SDHA: variants seen among roughly 807,000 people sequenced by gnomAD.
SDHA encodes succinate dehydrogenase complex flavoprotein subunit A.
A neutral mutation model predicts 78.4 loss-of-function variants in SDHA; 48 were observed. That is an observed-to-expected ratio of 0.61 (90% CI 0.49 to 0.78). The LOEUF is 0.78. Among genes scored for constraint, SDHA ranks in the 30% least tolerant of loss-of-function variants. The pLI, the probability that SDHA is intolerant of heterozygous loss-of-function variation, is 0.00. For missense variants in SDHA, 680 were observed against 892.7 expected, an observed-to-expected ratio of 0.76 and a Z score of 3.04; for synonymous variants, 326 against 353.9, an observed-to-expected ratio of 0.92 and a Z score of 0.88.
chr5:227,658 C>A (rs1328341560), intron 5 of SDHA: 1 of 203,006 alleles, frequency 4.9e-6, no homozygotes, highest in Non-Finnish European at 1.0e-5. Flanking sequence ...GCGGGCAGCG[C>A]TGTCCGGCGC....
At chr5:242,498 A>C (rs1252476498) in intron 11 of SDHA, among the ~76,000 whole-genome samples, 2 of 152,222 alleles carry the variant, frequency 1.3e-5, no homozygotes, top group Non-Finnish European at 2.9e-5. Context: ...GCTTGCTCTC[A>C]ATAAATATGT....
chr5:243,621 A>G (rs750370676), intron 11 of SDHA, among the ~76,000 whole-genome samples: 1 of 152,208 alleles, frequency 6.6e-6, no homozygotes, highest in African/African-American at 2.4e-5. Context: ...AACAGGGACC[A>G]AAAGAACCGT....
At position 225,299 on chromosome 5, in the gene SDHA, C is replaced by T. The variant is rs1359854957; in HGVS notation, c.313-120C>T. On this transcript the variant is annotated intron_variant, in intron 3 of 14. Coordinates refer to ENST00000264932, the MANE Select transcript of SDHA (RefSeq NM_004168.4). ...GCTCCTCTGCTGAGGTCAGCCCTCA[C>T]TGGGAGTCACTGTGTGAGTAGTTGG... The T allele has an allele frequency of 3.1e-6, 4 of 1,305,286 alleles. No individual in the cohort carries two copies. In the African/African-American group the frequency reaches 5.8e-5, roughly 19 times the overall value. The allele number at this position is 1,305,286 out of a possible 1,614,324, so 80.9% of individuals were successfully genotyped here.
chr5:251,450 T>C lies in SDHA; in HGVS notation c.1776T>C (p.His592=), dbSNP rs1126538. 2.5e-3 allele frequency: 3,992 copies of C among 1,613,950 alleles called. 73 individuals are homozygous for C. The African/African-American group carries it at 0.045, about 18-fold the overall frequency. ...AEARKESRGA[H]AREDYKVRID... is the part of the protein sequence containing the mutation. ...CACGGAAGGAGTCACGGGGCGCGCA[T>C]GCCAGGGAAGACTACAAGGTGGGCC... Residue 592 remains histidine, a synonymous_variant, in exon 13 of 15, where the codon CAT becomes CAC. Transcript: ENST00000264932.
Position 225,803 on chromosome 5 carries a change from A to G in SDHA, c.457-80A>G, listed in dbSNP as rs568540447. ...CTTTGGGTTTGCAGATTTGTGTTAA[A>G]CTTGTTTAGTGTAGATTAGCTGCGA... On this transcript the variant is annotated intron_variant, in intron 4 of 14. Transcript: ENST00000264932. 64 of 1,565,684 alleles carry G rather than the reference A, an allele frequency of 4.1e-5. No homozygotes were observed. In the African/African-American group the frequency reaches 7.7e-4, roughly 19 times the overall value.
chr5:251,690 G>A (rs371765093), intron 13 of SDHA: 4 of 1,488,894 alleles, frequency 2.7e-6, no homozygotes, highest in Non-Finnish European at 3.6e-6. Context: ...GATGCCAGCA[G>A]TGGCATCTCC....
intron 9 of SDHA, 25 bp downstream of exon 9, chr5:235,364 C>G: frequency 6.2e-7 from 1 of 1,612,614 alleles, no homozygotes; most frequent in Non-Finnish European, 8.5e-7. Context: ...TCCTCCCCCA[C>G]AGCTGGAAAG....
Position 234,814 on chromosome 5 carries a change from G to A in SDHA, c.1065-330G>A, listed in dbSNP as rs1280938605. On this transcript the variant is annotated intron_variant, in intron 8 of 14. Transcript: ENST00000264932. ...GGGGGTCCTGGACCCAACCTGCCAC[G>A]GATACGCAGGGACGACTGTATTTGG... 4 of 366,292 alleles carry A rather than the reference G, an allele frequency of 1.1e-5. No homozygotes were observed. In the Admixed American group the frequency reaches 1.2e-4, roughly 11 times the overall value. The allele number at this position is 366,292 out of a possible 1,614,324, so 22.7% of individuals were successfully genotyped here. A position where few individuals can be genotyped will look rare whatever the true frequency, so the allele number is the denominator to read the frequency against.
intron 11 of SDHA, chr5:249,141 G>C: frequency 2.4e-6 from 1 of 411,896 alleles, no homozygotes; most frequent in Non-Finnish European, 4.7e-6. Flanking sequence ...AGACAGATTA[G>C]CAGCTGGTAA....
chr5:264,715 C>G, the SDHA span, among the ~76,000 whole-genome samples: 1 of 152,186 alleles, frequency 6.6e-6, no homozygotes, highest in Non-Finnish European at 1.5e-5. Context: ...CCTATTACTT[C>G]GTGTGTCATC....
rs1553997185 is a variant in SDHA, at chr5:223,541, G to A, written c.123G>A (p.Lys41=). 1.2e-6 allele frequency: 2 copies of A among 1,613,714 alleles called. No individual in the cohort carries two copies. The highest frequency in any genetic ancestry group is 1.7e-5 in the Admixed American group (1 of 60,018). ...TTCACTTCACTGTTGATGGGAACAAGAGGGCATCTGCTAAAGTTTCAGATT... is the reference window on the plus strand; with the variant it reads ...TTCACTTCACTGTTGATGGGAACAAAAGGGCATCTGCTAAAGTTTCAGATT... ...RGFHFTVDGN[K]RASAKVSDSI... Residue 41 remains lysine (K), a synonymous_variant, in exon 2 of 15, where the codon AAG becomes AAA. Coordinates refer to ENST00000264932, the MANE Select transcript of SDHA (RefSeq NM_004168.4).
chr5:226,087 G>C, intron 5 of SDHA, 40 bp downstream of exon 5: 1 of 1,610,838 alleles, frequency 6.2e-7, no homozygotes, highest in Non-Finnish European at 8.5e-7. Context: ...GACACGTAGT[G>C]CTGGGGCTTA....
At chr5:252,084 C>T (rs1473855330) in intron 13 of SDHA, among the ~76,000 whole-genome samples, 4 of 149,372 alleles carry the variant, frequency 2.7e-5, no homozygotes, top group African/African-American at 9.9e-5. Context: ...ACGAGTAAGC[C>T]ACTGTTTCAA....
At chr5:265,465 AACTC>A in the SDHA span, among the ~76,000 whole-genome samples, 3 of 152,220 alleles carry the variant, frequency 2.0e-5, no homozygotes, top group African/African-American at 7.2e-5. Flanking sequence ...CTAGGGCACT[AACTC>A]CTAACACTGG....
chr5:239,801 G>A (rs1328289837), intron 10 of SDHA, among the ~76,000 whole-genome samples: 5 of 148,502 alleles, frequency 3.4e-5, no homozygotes, highest in Admixed American at 6.7e-5. Context: ...ACAGGGTCTC[G>A]CTCTGTTGCC....
intron 6 of SDHA, among the ~76,000 whole-genome samples, chr5:228,798 C>T (rs1472852024): frequency 1.3e-5 from 2 of 151,888 alleles, no homozygotes; most frequent in Non-Finnish European, 2.9e-5. Flanking sequence ...GTCAGTACAG[C>T]CAAACAAAAA....
intron 8 of SDHA, chr5:234,327 G>A (rs1265795149): frequency 3.9e-5 from 6 of 152,688 alleles, no homozygotes; most frequent in Admixed American, 1.3e-4. Context: ...GCTGAGGCAG[G>A]AGAATGGCGT....
intron 5 of SDHA, chr5:227,864 C>G (rs1328820816): frequency 1.0e-5 from 4 of 387,302 alleles, no homozygotes; most frequent in African/African-American, 6.2e-5. Context: ...GGACCTCACT[C>G]TGGCACCAGA....
chr5:251,054 A>T lies in SDHA; in HGVS notation c.1614A>T (p.Lys538Asn). 1 of 1,612,016 alleles carries T rather than the reference A, an allele frequency of 6.2e-7. No individual in the cohort carries two copies. Among genetic ancestry groups the T allele is most frequent in the Non-Finnish European group, 8.5e-7 (1 of 1,179,858 alleles). Residue 538 changes from lysine (K) to asparagine (N), a missense_variant, in exon 12 of 15, where the codon AAA (lysine) becomes AAT (asparagine). Physicochemically the swap from Lys to Asn is moderately conservative, Grantham distance 94. Transcript: ENST00000264932. ...VGSVLQEGCGKISKLYGDLKH... is the reference protein window; with the variant it reads ...VGSVLQEGCGNISKLYGDLKH... ...GCGTGTTGCAAGAAGGTTGTGGGAA[A>T]ATCAGCAAGCTCTATGGAGACCTAA... is the stretch of plus-strand genomic sequence containing the variant.
Sources: gnomAD v4.1 joint callset for allele counts (sites outside exome capture counted in the v4.1 genomes callset) on GRCh38, gnomAD v4.1.1 for gene constraint, MANE v1.5 for transcripts, NCBI Gene and HGNC (gene_info 2026-07-23, HGNC 2026-07-21) for gene names.